Variants in ACSL5 observed in about 807,000 individuals in gnomAD.
ACSL5 encodes long-chain-fatty-acid--CoA ligase 5.
ACSL5 carries 50 observed loss-of-function variants against 84.9 expected under a neutral mutation model. The ratio of observed to expected loss-of-function variants is 0.59; its 90% CI spans 0.47 to 0.75. The LOEUF (loss-of-function observed/expected upper bound fraction) is 0.75. ACSL5 is among the 30% of genes least tolerant of loss of function. The probability of loss-of-function intolerance (pLI) is 0.00; values close to 1 mark genes in which losing one functional copy is unlikely to be tolerated. For synonymous variants in ACSL5, 280 were observed against 300.7 expected, an observed-to-expected ratio of 0.93 and a Z score of 0.71; for missense variants, 775 against 830.4, an observed-to-expected ratio of 0.93 and a Z score of 0.82.
At chr10:112,392,836 G>A (rs975161212) in intron 1 of ACSL5, among the ~76,000 whole-genome samples, 1 of 151,864 alleles carries the variant, frequency 6.6e-6, no homozygotes, top group African/African-American at 2.4e-5. Flanking sequence ...GTTCACTTGA[G>A]CCCACGAGGT....
intron 3 of ACSL5, among the ~76,000 whole-genome samples, chr10:112,401,786 C>CTCTTTCTTTCTTTCTTTCTT (rs1178224793): frequency 5.9e-5 from 7 of 119,498 alleles, no homozygotes; most frequent in Non-Finnish European, 5.2e-5. Flanking sequence ...TTCTTTCTTT[C>CTCTTTCTTTCTTTCTTTCTT]TCTTTCTTTC....
intron 5 of ACSL5, among the ~76,000 whole-genome samples, chr10:112,407,035 A>G (rs1844055588): frequency 1.3e-5 from 2 of 152,082 alleles, no homozygotes; most frequent in Non-Finnish European, 2.9e-5. Context: ...GCAGCAAGAG[A>G]AAATGAGGAA....
At chr10:112,393,453 CCACACAAAATTCCTG>C (rs1843683921) in intron 1 of ACSL5, among the ~76,000 whole-genome samples, 1 of 152,128 alleles carries the variant, frequency 6.6e-6, no homozygotes, top group Non-Finnish European at 1.5e-5. Context: ...GTTCCTGCCC[CCACACAAAATTCCTG>C]CACCTTGTGG....
At chr10:112,426,386 G>A (rs1304910823) in intron 19 of ACSL5, 27 bp downstream of exon 19, 1 of 1,588,238 alleles carries the variant, frequency 6.3e-7, no homozygotes, top group African/African-American at 1.3e-5. Context: ...AAAGCTTTAT[G>A]CACACCCATG....
rs1178224793 is a variant in ACSL5 at position 112,401,786 on chromosome 10, CTCTTTCTTTCTTTCTT to C, written c.266-2684_266-2669del. Among the ~76,000 whole-genome samples the C allele has an allele frequency of 8.1e-3, 970 of 119,456 alleles. 7 individuals carry two copies. The highest frequency in any genetic ancestry group is 0.031 in the African/African-American group (859 of 28,132). The allele number at this position is 119,456 out of a possible 152,430, so 78.4% of individuals were successfully genotyped here. On this transcript the variant is annotated intron_variant, in intron 3 of 20. Coordinates refer to ENST00000354655, the MANE Select transcript of ACSL5 (RefSeq NM_203379.2). ...TTTCTTTCTTTCTTTTTCTTTCTTT[CTCTTTCTTTCTTTCTT>C]TCTTTCTTTCTTTCTTTCTTTCTTT...
At chr10:112,385,022 C>T (rs1452892894) in intron 1 of ACSL5, among the ~76,000 whole-genome samples, 1 of 152,154 alleles carries the variant, frequency 6.6e-6, no homozygotes, top group East Asian at 1.9e-4. Context: ...TGTGGAAGTA[C>T]TGTAATTTGT....
chr10:112,395,025 A>G lies in ACSL5; in HGVS notation c.79A>G (p.Ile27Val). Residue 27 changes from isoleucine to valine, a missense_variant, in exon 2 of 21, where the codon ATC (isoleucine) becomes GTC (valine). By Grantham distance (29) the Ile-to-Val change is conservative. Coordinates refer to ENST00000354655, the MANE Select transcript of ACSL5 (RefSeq NM_203379.2). ...CTGCATCCTGACATTTGGAGCTGCC[A>G]TCTTCTTGTGGCTGATCACCAGACC... ...LICILTFGAA[I>V]FLWLITRPQP... 2 of 1,613,996 alleles carry G rather than the reference A, an allele frequency of 1.2e-6. No individual in the cohort carries two copies. The highest frequency in any genetic ancestry group is 2.2e-5 in the East Asian group (1 of 44,868).
At chr10:112,412,716 T>G (rs1844210034) in intron 11 of ACSL5, 1 of 153,648 alleles carries the variant, frequency 6.5e-6, no homozygotes, top group Admixed American at 6.5e-5. Context: ...ATAAAAAAAT[T>G]GATTCTAAGA....
At chr10:112,418,695 T>C (rs1844380328) in intron 14 of ACSL5, 1 of 152,308 alleles carries the variant, frequency 6.6e-6, no homozygotes, top group Admixed American at 6.5e-5. Context: ...ATTTTGTATA[T>C]GTATTATATA....
chr10:112,392,657 C>T (rs896696446), intron 1 of ACSL5, among the ~76,000 whole-genome samples: 1 of 151,090 alleles, frequency 6.6e-6, no homozygotes, highest in Non-Finnish European at 1.5e-5. Context: ...AGGAGAATGG[C>T]GTGAACCCGG....
At chr10:112,408,720 T>G (rs1233328045) in intron 6 of ACSL5, 199 bp downstream of exon 6, 1 of 527,962 alleles carries the variant, frequency 1.9e-6, no homozygotes, top group Non-Finnish European at 3.4e-6. Flanking sequence ...GAAGCAGAGA[T>G]ACACACAGAA....
chr10:112,385,638 A>G (rs1338367954), intron 1 of ACSL5, among the ~76,000 whole-genome samples: 7 of 152,304 alleles, frequency 4.6e-5, no homozygotes, highest in Admixed American at 3.9e-4. Flanking sequence ...GTGAACTTTC[A>G]GCAAGCTCTG....
intron 3 of ACSL5, among the ~76,000 whole-genome samples, chr10:112,399,241 C>A (rs1188569158): frequency 6.6e-6 from 1 of 152,182 alleles, no homozygotes; most frequent in Non-Finnish European, 1.5e-5. Context: ...GCTTCATAAC[C>A]TTGTGCAGAC....
At chr10:112,407,672 C>T (rs752176400) in intron 5 of ACSL5, among the ~76,000 whole-genome samples, 27 of 152,280 alleles carry the variant, frequency 1.8e-4, no homozygotes, top group Non-Finnish European at 3.5e-4. Flanking sequence ...TGGATGGGGA[C>T]ACAGCCAAAC....
chr10:112,392,240 G>C (rs564320843), intron 1 of ACSL5, among the ~76,000 whole-genome samples: 21 of 152,296 alleles, frequency 1.4e-4, no homozygotes, highest in Non-Finnish European at 2.6e-4. Flanking sequence ...GGGAGGCCAA[G>C]GTGGGAGGAC....
At chr10:112,398,753 G>T in intron 2 of ACSL5, 148 bp from the exon 3 acceptor site, 1 of 655,508 alleles carries the variant, frequency 1.5e-6, no homozygotes, top group South Asian at 1.9e-5. Flanking sequence ...CTATGATTTG[G>T]GGATTTTTAA....
chr10:112,394,980 CT>C lies in ACSL5; in HGVS notation c.36del (p.Pro13ArgfsTer5). The C allele has an allele frequency of 6.2e-7, 1 of 1,613,922 alleles. No individual in the cohort carries two copies. Among genetic ancestry groups the C allele is most frequent in the South Asian group, 1.1e-5 (1 of 91,076 alleles). Reference sequence around the variant, plus strand: ...TATCTTTAACTTTTTGTTTTCCCCACTTCCGACCCCGGCGTTGATCTGCATC... The same window carrying C: ...TATCTTTAACTTTTTGTTTTCCCCACTCCGACCCCGGCGTTGATCTGCATC... ...LFIFNFLFSP[L>X]PTPALICILT... On this transcript the variant is annotated frameshift_variant, in exon 2 of 21. Transcript: ENST00000354655. LOFTEE classifies it high-confidence loss of function.
intron 5 of ACSL5, among the ~76,000 whole-genome samples, chr10:112,405,672 G>A (rs969477498): frequency 2.0e-5 from 3 of 152,000 alleles, no homozygotes; most frequent in Admixed American, 2.0e-4. Context: ...CAACATGGGG[G>A]TTAGGACCAC....
rs1844740047 is a variant in ACSL5, at chr10:112,426,802, C to A, written c.1854C>A (p.Ala618=). The A allele has an allele frequency of 6.2e-7, 1 of 1,613,810 alleles. No individual in the cohort carries two copies. The highest frequency in any genetic ancestry group is 1.7e-5 in the Admixed American group (1 of 59,994). ...ELCQNQVVRE[A]ILEDLQKIGK... ...TGTATTCTTAGGTTGTAAGGGAAGCCATTTTAGAAGACTTGCAGAAAATTG... is the reference window on the plus strand; with the variant it reads ...TGTATTCTTAGGTTGTAAGGGAAGCAATTTTAGAAGACTTGCAGAAAATTG... Residue 618 remains alanine (A), a synonymous_variant, in exon 20 of 21, where the codon GCC becomes GCA. Coordinates refer to ENST00000354655, the MANE Select transcript of ACSL5 (RefSeq NM_203379.2).
Sources: allele counts gnomAD v4.1 joint callset (sites outside exome capture counted in the v4.1 genomes callset), GRCh38; gene constraint gnomAD v4.1.1; transcripts MANE v1.5; gene names NCBI Gene and HGNC (gene_info 2026-07-23, HGNC 2026-07-21).